Variants in LRP1B observed in about 807,000 individuals in gnomAD.
LRP1B encodes low-density lipoprotein receptor-related protein 1B.
LRP1B carries 217 observed loss-of-function variants against 556.6 expected under a neutral mutation model. The observed-to-expected ratio is 0.39, with a 90% CI of 0.35 to 0.44. LRP1B has a LOEUF of 0.44. LRP1B is among the 20% of genes least tolerant of loss of function. The pLI, the probability that LRP1B is intolerant of heterozygous loss-of-function variation, is 1.00. For missense variants in LRP1B, 5,053 were observed against 5,620.8 expected (o/e 0.90, Z 3.23); for synonymous variants, 2,047 against 1,865.8 (o/e 1.10, Z -2.50).
In LRP1B at chr2:140,297,912, A is replaced by C; in HGVS notation, c.12863T>G (p.Val4288Gly). 6.2e-7 allele frequency: 1 copy of C among 1,613,986 alleles called. No homozygotes were observed. The highest frequency in any genetic ancestry group is 8.5e-7 in the Non-Finnish European group (1 of 1,179,902). The change falls in exon 84 of 91, where the codon GTC (valine) becomes GGC (glycine). Residue 4288 changes from valine (V) to glycine (G), a missense_variant. By Grantham distance (109) the Val-to-Gly change is moderately radical. Transcript: ENST00000389484. ...GFTGPNCGKT[V>G]CEDFCQNGGT... ...TCCATTTTGACAAAAATCCTCACAG[A>C]CTGTCTTACCACAGTTTGGCCCAGT...
At chr2:141,972,575 T>A (rs1484285369) in intron 1 of LRP1B, among the ~76,000 whole-genome samples, 4 of 117,008 alleles carry the variant, frequency 3.4e-5, no homozygotes, top group Non-Finnish European at 7.0e-5. Flanking sequence ...CACAAACATG[T>A]GAATGCAGGT....
chr2:140,347,137 A>G (rs1262506186), intron 77 of LRP1B, among the ~76,000 whole-genome samples: 2 of 151,896 alleles, frequency 1.3e-5, no homozygotes, highest in Admixed American at 6.6e-5. Flanking sequence ...ATAGCATTTC[A>G]TACTAAAAAT....
intron 75 of LRP1B, among the ~76,000 whole-genome samples, chr2:140,354,529 A>C (rs931328338): frequency 6.6e-6 from 1 of 152,090 alleles, no homozygotes; most frequent in Non-Finnish European, 1.5e-5. Context: ...TCACGATTAC[A>C]ACAAATATTT....
Position 141,793,062 on chromosome 2 carries a change from T to C in LRP1B, c.205+17217A>G, listed in dbSNP as rs185674888. Among the ~76,000 whole-genome samples the C allele has an allele frequency of 8.5e-5, 13 of 152,062 alleles. No individual in the cohort carries two copies. The East Asian group carries it at 2.1e-3, about 25-fold the overall frequency. The stretch of plus-strand genomic sequence containing the variant: ...ACATTTTGGTTGACTCCTCTGCTTG[T>C]TACAGCAAGTTATTCTTTTATTTCA... On this transcript the variant is annotated intron_variant, in intron 2 of 90. Transcript: ENST00000389484.
At chr2:141,553,080 T>C (rs1380602699) in intron 2 of LRP1B, among the ~76,000 whole-genome samples, 1 of 151,858 alleles carries the variant, frequency 6.6e-6, no homozygotes, top group African/African-American at 2.4e-5. Context: ...GATTCTAGTG[T>C]CAATGAATGC....
At chr2:140,523,595 C>G (rs1690281233) in intron 49 of LRP1B, among the ~76,000 whole-genome samples, 1 of 151,802 alleles carries the variant, frequency 6.6e-6, no homozygotes, top group Non-Finnish European at 1.5e-5. Flanking sequence ...GGAAACCAAA[C>G]TATTTCTCTT....
chr2:140,458,143 T>C (rs1290850916), intron 60 of LRP1B, among the ~76,000 whole-genome samples: 1 of 152,120 alleles, frequency 6.6e-6, no homozygotes, highest in Non-Finnish European at 1.5e-5. Context: ...GTCTACTACC[T>C]GGAAATAAAG....
At chr2:141,818,092 C>T (rs573523401) in intron 1 of LRP1B, among the ~76,000 whole-genome samples, 47 of 152,106 alleles carry the variant, frequency 3.1e-4, no homozygotes, top group Non-Finnish European at 5.6e-4. Context: ...CATCTCATTG[C>T]TAATTTAAAC....
chr2:141,245,881 C>CT (rs35336570), intron 5 of LRP1B, among the ~76,000 whole-genome samples: 3 of 152,032 alleles, frequency 2.0e-5, no homozygotes, highest in Non-Finnish European at 4.4e-5. Flanking sequence ...TTTCCTTTTC[C>CT]TTTTTTCCAT....
intron 7 of LRP1B, among the ~76,000 whole-genome samples, chr2:141,066,461 C>T (rs1014006020): frequency 6.6e-6 from 1 of 151,964 alleles, no homozygotes; most frequent in Admixed American, 6.6e-5. Context: ...AGAGTTATGG[C>T]ACCAATCATT....
chr2:142,080,694 C>A (rs1705679428), intron 1 of LRP1B, among the ~76,000 whole-genome samples: 1 of 152,078 alleles, frequency 6.6e-6, no homozygotes, highest in African/African-American at 2.4e-5. Flanking sequence ...GAAAAACATG[C>A]CCTGATAATG....
chr2:141,515,771 G>T lies in LRP1B; in HGVS notation c.206-35238C>A, dbSNP rs369326115. 5.3e-4 allele frequency among the ~76,000 whole-genome samples: 81 copies of T among 152,196 alleles called. No individual in the cohort carries two copies. The South Asian group carries it at 0.017, about 32-fold the overall frequency. On this transcript the variant is annotated intron_variant, in intron 2 of 90. Transcript: ENST00000389484. Reference sequence around the variant, plus strand: ...TACACAACTAGTTTGACATTTATAAGAATAAAAAGTTTATTATGGCTAACT... The same window carrying T: ...TACACAACTAGTTTGACATTTATAATAATAAAAAGTTTATTATGGCTAACT...
intron 1 of LRP1B, among the ~76,000 whole-genome samples, chr2:141,972,580 G>T (rs1310666996): frequency 1.0e-5 from 1 of 96,752 alleles, no homozygotes; most frequent in Non-Finnish European, 2.0e-5. Context: ...ACATGTGAAT[G>T]CAGGTGCAAA....
At chr2:141,305,165 T>C (rs1372893387) in intron 3 of LRP1B, among the ~76,000 whole-genome samples, 1 of 152,176 alleles carries the variant, frequency 6.6e-6, no homozygotes. Context: ...ATCTGTAGAC[T>C]GCTTTGGGTA....
At chr2:141,559,750 A>G (rs924747336) in intron 2 of LRP1B, among the ~76,000 whole-genome samples, 3 of 151,724 alleles carry the variant, frequency 2.0e-5, no homozygotes, top group Non-Finnish European at 3.0e-5. Flanking sequence ...AAATTGAGGC[A>G]CAATTGGCCT....
intron 41 of LRP1B, among the ~76,000 whole-genome samples, chr2:140,686,025 T>A (rs1686036786): frequency 6.6e-6 from 1 of 152,132 alleles, no homozygotes; most frequent in Non-Finnish European, 1.5e-5. Context: ...GGATTTGAAC[T>A]AAATTTTATA....
chr2:140,474,503 T>C (rs1388617244), intron 60 of LRP1B, among the ~76,000 whole-genome samples: 1 of 151,942 alleles, frequency 6.6e-6, no homozygotes, highest in African/African-American at 2.4e-5. Flanking sequence ...TTGGTGAAGA[T>C]CAATAAAAAT....
chr2:141,612,055 T>C (rs1452436741), intron 2 of LRP1B, among the ~76,000 whole-genome samples: 2 of 152,218 alleles, frequency 1.3e-5, no homozygotes, highest in African/African-American at 2.4e-5. Context: ...CCTGTAACTG[T>C]ATGCTTGCAC....
intron 57 of LRP1B, among the ~76,000 whole-genome samples, chr2:140,489,917 T>C (rs1393684848): frequency 6.6e-6 from 1 of 152,052 alleles, no homozygotes; most frequent in Non-Finnish European, 1.5e-5. Flanking sequence ...AAGCTGCAAA[T>C]GCAGAAAAAT....
Sources: gnomAD v4.1 joint callset for allele counts (sites outside exome capture counted in the v4.1 genomes callset) on GRCh38, gnomAD v4.1.1 for gene constraint, MANE v1.5 for transcripts, NCBI Gene and HGNC (gene_info 2026-07-23, HGNC 2026-07-21) for gene names.